USH2A: variants seen among roughly 807,000 people sequenced by gnomAD.
USH2A encodes usherin.
In USH2A, 443 loss-of-function variants were observed where a neutral mutation model predicts 538.9. That is an observed-to-expected ratio of 0.82 (90% CI 0.76 to 0.89). The LOEUF (loss-of-function observed/expected upper bound fraction) is 0.89. Among genes scored for constraint, USH2A ranks in the 40% least tolerant of loss-of-function variants. The probability of loss-of-function intolerance (pLI) is 0.00; values close to 1 mark genes in which losing one functional copy is unlikely to be tolerated. For missense variants in USH2A, 6,633 were observed against 6,324.8 expected (o/e 1.05, Z -1.65); for synonymous variants, 2,413 against 2,273.5 (o/e 1.06, Z -1.75).
intron 14 of USH2A, among the ~76,000 whole-genome samples, chr1:216,222,535 T>C (rs2035476582): frequency 6.6e-6 from 1 of 152,170 alleles, no homozygotes; most frequent in African/African-American, 2.4e-5. Flanking sequence ...GAGATTATCC[T>C]GGATTATCCA....
chr1:215,692,310 G>A (rs527543065), intron 61 of USH2A, among the ~76,000 whole-genome samples: 1 of 152,232 alleles, frequency 6.6e-6, no homozygotes, highest in East Asian at 1.9e-4. Flanking sequence ...AAGGGGAACA[G>A]GAACAGGAGA....
intron 34 of USH2A, among the ~76,000 whole-genome samples, chr1:215,994,308 T>C (rs913073388): frequency 2.0e-5 from 3 of 152,152 alleles, no homozygotes; most frequent in Non-Finnish European, 4.4e-5. Flanking sequence ...AGTTTGATAC[T>C]GAGTGAGTGA....
At chr1:216,087,044 C>T (rs1476409230) in intron 23 of USH2A, 1 of 500,218 alleles carries the variant, frequency 2.0e-6, no homozygotes, top group Non-Finnish European at 3.7e-6. Context: ...CTTCCTTTCT[C>T]TACCCATAGG....
In USH2A at chr1:215,650,588, T is replaced by C; in HGVS notation, c.14343+4A>G. 2 of 1,614,164 alleles carry C rather than the reference T, an allele frequency of 1.2e-6. No homozygotes were observed. Among genetic ancestry groups the C allele is most frequent in the Non-Finnish European group, 1.7e-6 (2 of 1,180,014 alleles). On this transcript the variant is annotated splice_donor_region_variant and intron_variant, in intron 65 of 71. Transcript: ENST00000307340. ...AGTCCTGGATTTTTAGCTCTGCTGC[T>C]CACCACTGTCTCAGCCCCATGGGCG...
intron 70 of USH2A, among the ~76,000 whole-genome samples, chr1:215,634,034 G>A (rs371814650): frequency 8.5e-5 from 13 of 152,094 alleles, no homozygotes; most frequent in East Asian, 1.9e-4. Flanking sequence ...TTCATTCCCC[G>A]CCACCAAATT....
In USH2A at chr1:215,728,218, T is replaced by C; in HGVS notation, c.11878A>G (p.Thr3960Ala). 6 of 1,613,970 alleles carry C rather than the reference T, an allele frequency of 3.7e-6. No individual in the cohort carries two copies. Among genetic ancestry groups the C allele is most frequent in the Non-Finnish European group, 5.1e-6 (6 of 1,179,984 alleles). The change falls in exon 61 of 72, where the codon ACT (threonine) becomes GCT (alanine). Residue 3960 changes from threonine to alanine, a missense_variant. Physicochemically the swap from Thr to Ala is moderately conservative, Grantham distance 58. Coordinates refer to ENST00000307340, the MANE Select transcript of USH2A (RefSeq NM_206933.4). ...AAATCTTGAGGTGGAGCTTCCAGAG[T>C]TTGTGTTAATGACCACAGACTCTCC... ...SVESLWSLTQ[T>A]LEAPPQDFPA...
At chr1:215,783,329 T>G (rs1661702712) in intron 52 of USH2A, among the ~76,000 whole-genome samples, 1 of 152,224 alleles carries the variant, frequency 6.6e-6, no homozygotes, top group Non-Finnish European at 1.5e-5. Flanking sequence ...TATAAATTAT[T>G]GCTTTCTGTT....
In USH2A at chr1:215,817,093, C is replaced by G. The variant is rs1410898557; in HGVS notation, c.9474G>C (p.Lys3158Asn). The G allele has an allele frequency of 3.1e-6, 5 of 1,612,890 alleles. No homozygotes were observed. Among genetic ancestry groups the G allele is most frequent in the Non-Finnish European group, 4.2e-6 (5 of 1,179,150 alleles). ...GCTCATCACTCTGATCCTGCACTAA[C>G]TTTTGAGTTTTAGCGCATGGATACC... ...KTWYPCAKTQ[K>N]LVQDQSDELC... is the part of the protein sequence containing the mutation. Residue 3158 changes from lysine to asparagine, a missense_variant, in exon 48 of 72, where the codon AAG (lysine) becomes AAC (asparagine). Transcript: ENST00000307340.
chr1:215,671,412 C>A, intron 63 of USH2A, 119 bp from the exon 64 acceptor site: 1 of 1,086,556 alleles, frequency 9.2e-7, no homozygotes, highest in Non-Finnish European at 1.3e-6. Context: ...TTATTCACAG[C>A]TAATTCTTAA....
chr1:215,809,102 TGTAAACA>T (rs1662584164), intron 49 of USH2A, among the ~76,000 whole-genome samples: 1 of 152,174 alleles, frequency 6.6e-6, no homozygotes, highest in Non-Finnish European at 1.5e-5. Context: ...ACGAGCTTAT[TGTAAACA>T]GTAAAGTTAC....
chr1:215,838,690 TA>T (rs1467576599), intron 46 of USH2A, among the ~76,000 whole-genome samples: 1 of 151,936 alleles, frequency 6.6e-6, no homozygotes, highest in African/African-American at 2.4e-5. Context: ...CTAATCTGAA[TA>T]AAAACCGAGG....
chr1:215,653,478 G>C (rs1175830414), intron 64 of USH2A, among the ~76,000 whole-genome samples: 3 of 152,128 alleles, frequency 2.0e-5, no homozygotes, highest in Non-Finnish European at 4.4e-5. Flanking sequence ...CTTATGCAAA[G>C]CAGGATCAAC....
chr1:216,204,622 G>A (rs571072255), intron 16 of USH2A, among the ~76,000 whole-genome samples: 1 of 152,194 alleles, frequency 6.6e-6, no homozygotes, highest in South Asian at 2.1e-4. Flanking sequence ...AATTTTCTTT[G>A]AAAAGTTCAA....
At chr1:215,991,763 T>A (rs1176559284) in intron 35 of USH2A, among the ~76,000 whole-genome samples, 2 of 152,228 alleles carry the variant, frequency 1.3e-5, no homozygotes, top group Non-Finnish European at 2.9e-5. Context: ...GTAGTTCTAG[T>A]TGTATTAACC....
chr1:216,189,938 A>G (rs544684647), intron 20 of USH2A, among the ~76,000 whole-genome samples: 16 of 152,042 alleles, frequency 1.1e-4, no homozygotes, highest in African/African-American at 3.9e-4. Flanking sequence ...ATATATTTGT[A>G]TATGTTTCTA....
At chr1:215,840,163 C>CAA (rs60766928) in intron 46 of USH2A, among the ~76,000 whole-genome samples, 549 of 29,564 alleles carry the variant, frequency 0.019, 118 homozygotes, top group African/African-American at 0.024. Flanking sequence ...GACTCTGTCT[C>CAA]AAAAAAAAAA....
chr1:216,352,927 G>T (rs2038313534), intron 4 of USH2A, among the ~76,000 whole-genome samples: 1 of 152,092 alleles, frequency 6.6e-6, no homozygotes, highest in Non-Finnish European at 1.5e-5. Context: ...AGACAGGAAA[G>T]TGAATGAATG....
intron 15 of USH2A, among the ~76,000 whole-genome samples, chr1:216,213,241 T>C (rs777393556): frequency 8.5e-5 from 13 of 152,298 alleles, no homozygotes; most frequent in South Asian, 4.1e-4. Flanking sequence ...AGTAGCTTTC[T>C]TGTGAATTTG....
chr1:216,354,267 G>A (rs1341385125), intron 4 of USH2A, among the ~76,000 whole-genome samples: 6 of 152,036 alleles, frequency 3.9e-5, no homozygotes, highest in Admixed American at 6.6e-5. Flanking sequence ...AGGGAAAAAC[G>A]CCAAAAAATA....
Sources: allele counts gnomAD v4.1 joint callset (sites outside exome capture counted in the v4.1 genomes callset), GRCh38; gene constraint gnomAD v4.1.1; transcripts MANE v1.5; gene names NCBI Gene and HGNC (gene_info 2026-07-23, HGNC 2026-07-21).